The following L3MBTL3 variants were observed in gnomAD, a reference collection of about 807,000 sequenced individuals.
L3MBTL3 encodes the protein L3MBTL histone methyl-lysine binding protein 3.
In L3MBTL3, 27 loss-of-function variants were observed where a neutral mutation model predicts 102.3. The observed-to-expected ratio is 0.26, with a 90% CI of 0.19 to 0.36. The LOEUF (loss-of-function observed/expected upper bound fraction) is 0.36, where lower values mean the gene tolerates loss of function less well. Among genes scored for constraint, L3MBTL3 ranks in the 10% least tolerant of loss-of-function variants. The pLI is 1.00. For missense variants in L3MBTL3, 798 were observed against 955.3 expected, an observed-to-expected ratio of 0.84 and a Z score of 2.17; for synonymous variants, 340 against 320.9, an observed-to-expected ratio of 1.06 and a Z score of -0.64.
At chr6:130,135,264 G>A (rs548796474) in intron 22 of L3MBTL3, among the ~76,000 whole-genome samples, 71 of 151,530 alleles carry the variant, frequency 4.7e-4, no homozygotes, top group African/African-American at 1.3e-3. Context: ...TGGTTTCACC[G>A]TGTTGGCCAG....
intron 9 of L3MBTL3, among the ~76,000 whole-genome samples, chr6:130,058,501 C>T (rs907043089): frequency 1.3e-5 from 2 of 151,748 alleles, no homozygotes; most frequent in Admixed American, 6.6e-5. Context: ...AAAAATATAG[C>T]GGAGTGTGGT....
intron 22 of L3MBTL3, among the ~76,000 whole-genome samples, chr6:130,135,383 T>A (rs567235288): frequency 8.5e-5 from 13 of 152,288 alleles, no homozygotes; most frequent in Non-Finnish European, 1.8e-4. Flanking sequence ...TCTGTATCGC[T>A]GAGCAGACTT....
In L3MBTL3 at chr6:130,066,463, C is replaced by A. The variant is rs758934585; in HGVS notation, c.975C>A (p.Thr325=). The A allele has an allele frequency of 6.2e-7, 1 of 1,609,806 alleles. No homozygotes were observed. The highest frequency in any genetic ancestry group is 8.5e-7 in the Non-Finnish European group (1 of 1,178,474). Residue 325 remains threonine, a synonymous_variant, in exon 11 of 23, where the codon ACC becomes ACA. Transcript: ENST00000361794. ...DIHPVGWCEK[T]GHKLHPPKGY... ...ACCCAGTTGGGTGGTGTGAGAAAAC[C>A]GGCCACAAACTCCATCCTCCAAAAG...
At chr6:130,102,705 T>C in intron 18 of L3MBTL3, among the ~76,000 whole-genome samples, 1 of 152,210 alleles carries the variant, frequency 6.6e-6, no homozygotes, top group East Asian at 1.9e-4. Flanking sequence ...TCCCATCCCC[T>C]GGAACATTCT....
intron 14 of L3MBTL3, among the ~76,000 whole-genome samples, chr6:130,079,092 T>C (rs1186354640): frequency 6.6e-6 from 1 of 152,024 alleles, no homozygotes; most frequent in Non-Finnish European, 1.5e-5. Flanking sequence ...TCCAGAAAAA[T>C]GGATAAGAGG....
At chr6:130,089,965 A>T (rs1019849957) in intron 16 of L3MBTL3, among the ~76,000 whole-genome samples, 29 of 152,128 alleles carry the variant, frequency 1.9e-4, no homozygotes, top group African/African-American at 7.0e-4. Flanking sequence ...CACCTATTCC[A>T]CTGTGGGTGG....
chr6:130,065,963 G>A (rs899231874), intron 10 of L3MBTL3, among the ~76,000 whole-genome samples: 1 of 152,110 alleles, frequency 6.6e-6, no homozygotes. Flanking sequence ...TTCAGTGCAG[G>A]GCAGACTGTC....
At chr6:130,030,386 G>T (rs1329277884) in intron 2 of L3MBTL3, among the ~76,000 whole-genome samples, 3 of 152,020 alleles carry the variant, frequency 2.0e-5, no homozygotes, top group African/African-American at 7.2e-5. Flanking sequence ...AACCCGGCCG[G>T]GTGCGGTGGC....
chr6:130,107,188 G>A (rs993209082), intron 19 of L3MBTL3, among the ~76,000 whole-genome samples: 4 of 131,408 alleles, frequency 3.0e-5, no homozygotes, highest in African/African-American at 1.1e-4. Context: ...GCTCTGTAGA[G>A]GTGTTCATAG....
intron 2 of L3MBTL3, among the ~76,000 whole-genome samples, chr6:130,036,159 A>G (rs951470186): frequency 1.4e-4 from 22 of 152,200 alleles, no homozygotes; most frequent in Admixed American, 3.3e-4. Context: ...GTATGTTTGT[A>G]TGCAAGTATA....
chr6:130,100,693 C>T (rs1313180770), intron 18 of L3MBTL3, among the ~76,000 whole-genome samples: 1 of 151,728 alleles, frequency 6.6e-6, no homozygotes, highest in Non-Finnish European at 1.5e-5. Flanking sequence ...ATAATGGCTG[C>T]AGTCTTACCC....
At chr6:130,055,467 C>CCGCCCTCCCTCT (rs1394052882) in intron 8 of L3MBTL3, among the ~76,000 whole-genome samples, 1 of 94,858 alleles carries the variant, frequency 1.1e-5, no homozygotes. Flanking sequence ...GAACTGTCTT[C>CCGCCCTCCCTCT]CTCCCTCCCT....
chr6:130,062,990 C>CTTTT lies in L3MBTL3; in HGVS notation c.864+2860_864+2863dup, dbSNP rs367985147. Among the ~76,000 whole-genome samples the CTTTT allele has an allele frequency of 6.9e-4, 87 of 126,204 alleles. 2 individuals carry two copies. Among genetic ancestry groups the CTTTT allele is most frequent in the East Asian group, 2.9e-3 (13 of 4,504 alleles). 82.8% of individuals were successfully genotyped at this position (126,204 alleles called of 152,430 possible). A position where few individuals can be genotyped will look rare whatever the true frequency, so the allele number is the denominator to read the frequency against. ...CCTCCCTCCTTCCCTTCTTGCCTTTCTTTTTTTTTTTTTCTGTTTTTTTTT... is the reference window on the plus strand; with the variant it reads ...CCTCCCTCCTTCCCTTCTTGCCTTTCTTTTTTTTTTTTTTTTTCTGTTTTTTTTT... On this transcript the variant is annotated intron_variant, in intron 10 of 22. Transcript: ENST00000361794.
intron 22 of L3MBTL3, among the ~76,000 whole-genome samples, chr6:130,134,335 G>A (rs1787384969): frequency 6.6e-6 from 1 of 152,058 alleles, no homozygotes; most frequent in Admixed American, 6.5e-5. Context: ...TTTATAATAA[G>A]TAATATTAGC....
chr6:130,062,978 C>T (rs1417740726), intron 10 of L3MBTL3, among the ~76,000 whole-genome samples: 1 of 142,124 alleles, frequency 7.0e-6, no homozygotes, highest in Non-Finnish European at 1.5e-5. Context: ...CCCTCCTTCC[C>T]TTCTTGCCTT....
At chr6:130,085,911 C>A (rs1353684802) in intron 15 of L3MBTL3, among the ~76,000 whole-genome samples, 2 of 152,092 alleles carry the variant, frequency 1.3e-5, no homozygotes, top group East Asian at 1.9e-4. Context: ...TGCCACCATG[C>A]CTGGCTACTG....
intron 18 of L3MBTL3, among the ~76,000 whole-genome samples, chr6:130,097,027 A>G (rs12199027): frequency 0.1 from 15,546 of 152,256 alleles, 1,070 homozygotes; most frequent in Middle Eastern, 0.22. Flanking sequence ...TGCAATTCAC[A>G]GAACTCCTGG....
chr6:130,095,634 G>C (rs1784317848), intron 18 of L3MBTL3, among the ~76,000 whole-genome samples: 1 of 152,148 alleles, frequency 6.6e-6, no homozygotes, highest in East Asian at 1.9e-4. Flanking sequence ...GTTTTGTGTT[G>C]CTATAATAGA....
intron 1 of L3MBTL3, chr6:130,019,607 C>A (rs1439980101): frequency 6.6e-6 from 1 of 150,648 alleles, no homozygotes; most frequent in African/African-American, 2.4e-5. Flanking sequence ...GCCCGACTCC[C>A]ACCGCGCACA....
Sources: gnomAD v4.1 joint callset for allele counts (sites outside exome capture counted in the v4.1 genomes callset) on GRCh38, gnomAD v4.1.1 for gene constraint, MANE v1.5 for transcripts, NCBI Gene and HGNC (gene_info 2026-07-23, HGNC 2026-07-21) for gene names.